Variants in ALOX15B observed in about 807,000 individuals in gnomAD.
ALOX15B encodes polyunsaturated fatty acid lipoxygenase ALOX15B.
A neutral mutation model predicts 73.8 loss-of-function variants in ALOX15B; 74 were observed. That is an observed-to-expected ratio of 1.00 (90% CI 0.83 to 1.22). The LOEUF is 1.22. Ranked by LOEUF, ALOX15B falls within the 50% of genes most tolerant of loss-of-function variation. The pLI is 0.00. For missense variants in ALOX15B, 896 were observed against 859.9 expected (o/e 1.04, Z -0.52); for synonymous variants, 353 against 357.2 (o/e 0.99, Z 0.13).
Position 8,039,953 on chromosome 17 carries a change from A to C in ALOX15B, c.419A>C (p.Glu140Ala). 1 of 1,613,158 alleles carries C rather than the reference A, an allele frequency of 6.2e-7. No individual in the cohort carries two copies. The highest frequency in any genetic ancestry group is 1.1e-5 in the South Asian group (1 of 91,022). Residue 140 changes from glutamate (E) to alanine (A), a missense_variant, in exon 3 of 14, where the codon GAG (glutamate) becomes GCG (alanine). Coordinates refer to ENST00000380183, the MANE Select transcript of ALOX15B (RefSeq NM_001141.3). ...HHPVLQQQRQ[E>A]ELQARQEMYQ... is the part of the protein sequence containing the mutation. ...CCTGTGCTCCAGCAACAGCGCCAGGAGGAGCTTCAGGCCCGGCAGGAGATG... is the reference window on the plus strand; with the variant it reads ...CCTGTGCTCCAGCAACAGCGCCAGGCGGAGCTTCAGGCCCGGCAGGAGATG...
intron 4 of ALOX15B, 114 bp from the exon 5 acceptor site, chr17:8,042,667 G>A: frequency 7.5e-7 from 1 of 1,327,436 alleles, no homozygotes; most frequent in South Asian, 1.4e-5. Flanking sequence ...TAGGGGTAGT[G>A]ACTACCTTGG....
intron 5 of ALOX15B, among the ~76,000 whole-genome samples, chr17:8,043,443 T>C (rs778080702): frequency 1.9e-4 from 29 of 152,114 alleles, no homozygotes; most frequent in Non-Finnish European, 3.4e-4. Context: ...AACACCACTG[T>C]GGTCAAAGTG....
chr17:8,040,053 T>C, intron 3 of ALOX15B, 70 bp downstream of exon 3: 2 of 1,463,454 alleles, frequency 1.4e-6, no homozygotes, highest in Non-Finnish European at 9.4e-7. Context: ...GTCCTGGTCA[T>C]GACAGAGATT....
rs1598164494 is a variant in ALOX15B at position 8,044,821 on chromosome 17, C to A, written c.677-8C>A. The A allele has an allele frequency of 1.2e-6, 2 of 1,612,300 alleles. No homozygotes were observed. The highest frequency in any genetic ancestry group is 2.2e-5 in the East Asian group (1 of 44,828). On this transcript the variant is annotated splice_polypyrimidine_tract_variant and splice_region_variant and intron_variant, in intron 5 of 13. Coordinates refer to ENST00000380183, the MANE Select transcript of ALOX15B (RefSeq NM_001141.3). ...TGACCCCGTTCCCCTGTCCCCCACC[C>A]CCTGCAGAGCACGCATTTGAGCACT...
chr17:8,046,691 C>T lies in ALOX15B; in HGVS notation c.1224C>T (p.Tyr408=), dbSNP rs1298121335. The stretch of plus-strand genomic sequence containing the variant: ...AGCTGCTGATCCCGCACACCCGATA[C>T]ACCCTGCACATCAACACACTCGCCC... The part of the protein sequence containing the change: ...LFKLLIPHTR[Y]TLHINTLARE... Residue 408 remains tyrosine (Y), a synonymous_variant, in exon 9 of 14, where the codon TAC becomes TAT. Transcript: ENST00000380183. The T allele has an allele frequency of 1.9e-6, 3 of 1,613,982 alleles. No homozygotes were observed. The highest frequency in any genetic ancestry group is 1.1e-5 in the South Asian group (1 of 91,020).
chr17:8,047,374 G>A lies in ALOX15B; in HGVS notation c.1574G>A (p.Ser525Asn), dbSNP rs141549870. 1.6e-4 allele frequency: 257 copies of A among 1,613,940 alleles called. No homozygotes were observed. The highest frequency in any genetic ancestry group is 5.0e-4 in the Middle Eastern group (3 of 5,986). The change falls in exon 11 of 14, where the codon AGC becomes AAC. Residue 525 changes from serine (S) to asparagine (N), a missense_variant. Physicochemically the swap from Ser to Asn is conservative, Grantham distance 46. Coordinates refer to ENST00000380183, the MANE Select transcript of ALOX15B (RefSeq NM_001141.3). ...IFSKGFLNQESSGIPSSLETR... is the reference protein window; with the variant it reads ...IFSKGFLNQENSGIPSSLETR... The stretch of plus-strand genomic sequence containing the variant: ...TCCAAGGGCTTCCTAAACCAGGAGA[G>A]CTCAGGTACAGGGACCTCAGCCCTC...
intron 5 of ALOX15B, among the ~76,000 whole-genome samples, 197 bp downstream of exon 5, chr17:8,043,081 A>G (rs1475515062): frequency 1.3e-5 from 2 of 152,160 alleles, no homozygotes; most frequent in Non-Finnish European, 2.9e-5. Context: ...TTCTAATACA[A>G]CAGACATTTG....
In ALOX15B at chr17:8,045,654, C is replaced by A; in HGVS notation, c.1168C>A (p.Arg390Ser). Residue 390 changes from arginine (R) to serine (S), a missense_variant, in exon 8 of 14, where the codon CGT becomes AGT. Physicochemically the swap from Arg to Ser is moderately radical, Grantham distance 110. Transcript: ENST00000380183. ...TGAGGTCTTCACCCTGGCTACCCTGCGTCAGCTGCCCCACTGCCACCCTCT... is the reference window on the plus strand; with the variant it reads ...TGAGGTCTTCACCCTGGCTACCCTGAGTCAGCTGCCCCACTGCCACCCTCT... ...LPEVFTLATL[R>S]QLPHCHPLFK... The A allele has an allele frequency of 6.2e-7, 1 of 1,614,058 alleles. No individual in the cohort carries two copies. Among genetic ancestry groups the A allele is most frequent in the African/African-American group, 1.3e-5 (1 of 75,040 alleles).
At chr17:8,040,903 G>GAGATAACAGA (rs1448524719) in intron 3 of ALOX15B, among the ~76,000 whole-genome samples, 43,874 of 152,098 alleles carry the variant, frequency 0.29, 7,337 homozygotes, top group Admixed American at 0.41. Flanking sequence ...AGAGGAGTTG[G>GAGATAACAGA]GGCCGCTAGT....
At position 8,048,558 on chromosome 17, in the gene ALOX15B, C is replaced by T; in HGVS notation, c.2024C>T (p.Ser675Phe). Residue 675 changes from serine to phenylalanine, a missense_variant, in exon 14 of 14, where the codon TCC (serine) becomes TTC (phenylalanine). Physicochemically the swap from Ser to Phe is radical, Grantham distance 155. Coordinates refer to ENST00000380183, the MANE Select transcript of ALOX15B (RefSeq NM_001141.3). The part of the protein sequence containing the change: ...LDPPLIENSV[S>F]I ...CCTCCCCTCATCGAGAACAGCGTCTCCATCTAAATCCCAGGGGAACACAGG... is the reference window on the plus strand; with the variant it reads ...CCTCCCCTCATCGAGAACAGCGTCTTCATCTAAATCCCAGGGGAACACAGG... 1 of 1,613,250 alleles carries T rather than the reference C, an allele frequency of 6.2e-7. No individual in the cohort carries two copies. The highest frequency in any genetic ancestry group is 1.1e-5 in the South Asian group (1 of 91,018).
In ALOX15B at chr17:8,044,908, C is replaced by G; in HGVS notation, c.756C>G (p.Arg252=). ...ATGGTCTCAACCCTGTCCTGATCCG[C>G]CGCTGTCACTACCTCCCAAAGAACT... is the stretch of plus-strand genomic sequence containing the variant. ...FLNGLNPVLI[R]RCHYLPKNFP... Residue 252 remains arginine, a synonymous_variant, in exon 6 of 14, where the codon CGC becomes CGG. Transcript: ENST00000380183. 1 of 1,614,136 alleles carries G rather than the reference C, an allele frequency of 6.2e-7. No individual in the cohort carries two copies. The highest frequency in any genetic ancestry group is 8.5e-7 in the Non-Finnish European group (1 of 1,180,002).
chr17:8,039,547 C>G lies in ALOX15B; in HGVS notation c.309C>G (p.Leu103=). The stretch of plus-strand genomic sequence containing the variant: ...CACCGCCGCGGGGCGGCCACCTCCT[C>G]TTCCCCTGCTACCAGTGGCTGGAGG... ...QLTPPRGGHL[L]FPCYQWLEGA... Residue 103 remains leucine (L), a synonymous_variant, in exon 2 of 14, where the codon CTC becomes CTG. Coordinates refer to ENST00000380183, the MANE Select transcript of ALOX15B (RefSeq NM_001141.3). The G allele has an allele frequency of 1.3e-6, 2 of 1,541,134 alleles. No individual in the cohort carries two copies. Among genetic ancestry groups the G allele is most frequent in the Non-Finnish European group, 1.7e-6 (2 of 1,148,010 alleles).
rs1976359124 is a variant in ALOX15B, at chr17:8,039,255, C to T, written c.100C>T (p.Pro34Ser). 2 of 1,598,956 alleles carry T rather than the reference C, an allele frequency of 1.3e-6. No individual in the cohort carries two copies. The highest frequency in any genetic ancestry group is 2.2e-5 in the East Asian group (1 of 44,816). Residue 34 changes from proline to serine, a missense_variant, in exon 1 of 14, where the codon CCC becomes TCC. Transcript: ENST00000380183. ...CATCGTGGGGACCCGGGGAGAGAGC[C>T]CCCCACTGCCCCTGGACAATCTCGG... ...VSIVGTRGES[P>S]PLPLDNLGKE...
rs1192423206 is a variant in ALOX15B at position 8,047,605 on chromosome 17, T to G, written c.1621T>G (p.Tyr541Asp). 6.2e-7 allele frequency: 1 copy of G among 1,610,770 alleles called. No homozygotes were observed. The highest frequency in any genetic ancestry group is 8.5e-7 in the Non-Finnish European group (1 of 1,178,584). The change falls in exon 12 of 14, where the codon TAT becomes GAT. Residue 541 changes from tyrosine to aspartate, a missense_variant. Tyr to Asp is a radical substitution (Grantham distance 160). Transcript: ENST00000380183. ...GGAGACCCGGGAAGCCCTGGTGCAG[T>G]ATGTCACCATGGTGATATTCACCTG... ...SLETREALVQ[Y>D]VTMVIFTCSA... is the part of the protein sequence containing the mutation.
In ALOX15B at chr17:8,048,680, G is replaced by A. The variant is rs1275599600; in HGVS notation, c.*115G>A. On this transcript the variant is annotated 3_prime_UTR_variant, in exon 14 of 14. Coordinates refer to ENST00000380183, the MANE Select transcript of ALOX15B (RefSeq NM_001141.3). ...AACAGGCCCCCATGTGCCTCTCCTGGGACAACCAGACTCTGTAACTCACCC... is the reference window on the plus strand; with the variant it reads ...AACAGGCCCCCATGTGCCTCTCCTGAGACAACCAGACTCTGTAACTCACCC... The A allele has an allele frequency of 9.2e-6, 11 of 1,190,896 alleles. No homozygotes were observed. The highest frequency in any genetic ancestry group is 1.0e-5 in the Non-Finnish European group (9 of 866,144). The allele number at this position is 1,190,896 out of a possible 1,614,324, so 73.8% of individuals were successfully genotyped here.
At position 8,047,746 on chromosome 17, in the gene ALOX15B, T is replaced by G. The variant is rs1414848568; in HGVS notation, c.1682T>G (p.Phe561Cys). The change falls in exon 13 of 14, where the codon TTT (phenylalanine) becomes TGT (cysteine). Residue 561 changes from phenylalanine to cysteine, a missense_variant and splice_region_variant. Phe to Cys is a radical substitution (Grantham distance 205). Coordinates refer to ENST00000380183, the MANE Select transcript of ALOX15B (RefSeq NM_001141.3). ...AKHAAVSAGQ[F>C]DSCAWMPNLP... is the part of the protein sequence containing the mutation. The stretch of plus-strand genomic sequence containing the variant: ...TCATTCTGCCCTCTCGGCCTTCAGT[T>G]TGACTCCTGTGCTTGGATGCCCAAC... 6.2e-7 allele frequency: 1 copy of G among 1,614,132 alleles called. No homozygotes were observed. The highest frequency in any genetic ancestry group is 1.6e-4 in the Middle Eastern group (1 of 6,062).
At position 8,044,962 on chromosome 17, in the gene ALOX15B, A is replaced by G; in HGVS notation, c.810A>G (p.Ser270=). ...CCGTCACTGATGCCATGGTGGCCTC[A>G]GTGTTGGGTCCTGGGACCAGCTTGC... The part of the protein sequence containing the change: ...NFPVTDAMVA[S]VLGPGTSLQA... The change falls in exon 6 of 14, where the codon TCA becomes TCG. Residue 270 remains serine (S), a synonymous_variant. Transcript: ENST00000380183. 2 of 1,614,076 alleles carry G rather than the reference A, an allele frequency of 1.2e-6. No homozygotes were observed. Among genetic ancestry groups the G allele is most frequent in the Non-Finnish European group, 1.7e-6 (2 of 1,179,998 alleles).
chr17:8,042,662 G>T, intron 4 of ALOX15B, 119 bp from the exon 5 acceptor site: 1 of 1,319,656 alleles, frequency 7.6e-7, no homozygotes, highest in Non-Finnish European at 1.1e-6. Flanking sequence ...TACCTTAGGG[G>T]TAGTGACTAC....
At chr17:8,040,012 G>A (rs775130572) in intron 3 of ALOX15B, 29 bp downstream of exon 3, 5 of 1,606,094 alleles carry the variant, frequency 3.1e-6, no homozygotes, top group Non-Finnish European at 3.4e-6. Context: ...ATGGGGGAGG[G>A]TGTGCCCAAA....
Sources: allele counts gnomAD v4.1 joint callset (sites outside exome capture counted in the v4.1 genomes callset), GRCh38; gene constraint gnomAD v4.1.1; transcripts MANE v1.5; gene names NCBI Gene and HGNC (gene_info 2026-07-23, HGNC 2026-07-21).